The following PDGFRA variants were observed in gnomAD, a reference collection of about 807,000 sequenced individuals.
PDGFRA encodes the protein platelet-derived growth factor receptor alpha.
In PDGFRA, 25 loss-of-function variants were observed where a neutral mutation model predicts 121.5. That is an observed-to-expected ratio of 0.21 (90% CI 0.15 to 0.29). The LOEUF is 0.29. Ranked by LOEUF, PDGFRA falls within the 10% of genes least tolerant of loss-of-function variation. The pLI, the probability that PDGFRA is intolerant of heterozygous loss-of-function variation, is 1.00. For missense variants in PDGFRA, 1,008 were observed against 1,345.1 expected, an observed-to-expected ratio of 0.75 and a Z score of 3.92; for synonymous variants, 463 against 494.8, an observed-to-expected ratio of 0.94 and a Z score of 0.85.
intron 16 of PDGFRA, chr4:54,281,712 C>G: frequency 2.2e-6 from 3 of 1,354,824 alleles, no homozygotes; most frequent in Non-Finnish European, 2.9e-6. Flanking sequence ...ATGGCTAGAG[C>G]TACTCTTCAC....
chr4:54,274,725 C>T lies in PDGFRA; in HGVS notation c.1653+100C>T, dbSNP rs1443979591. The T allele has an allele frequency of 4.2e-6, 6 of 1,434,480 alleles. No individual in the cohort carries two copies. The African/African-American group carries it at 7.0e-5, about 17-fold the overall frequency. The allele number at this position is 1,434,480 out of a possible 1,614,324, so 88.9% of individuals were successfully genotyped here. A position where few individuals can be genotyped will look rare whatever the true frequency, so the allele number is the denominator to read the frequency against. On this transcript the variant is annotated intron_variant, in intron 11 of 22. Coordinates refer to ENST00000257290, the MANE Select transcript of PDGFRA (RefSeq NM_006206.6). The stretch of plus-strand genomic sequence containing the variant: ...GCACAGAGAAGGAGCTCAGCAATTA[C>T]ATGTGGAGTGAACGTTGTTGGACTC...
Position 54,280,495 on chromosome 4 carries a change from A to G in PDGFRA, c.2323+13A>G, listed in dbSNP as rs143491825. 122 of 1,604,210 alleles carry G rather than the reference A, an allele frequency of 7.6e-5. No homozygotes were observed. The highest frequency in any genetic ancestry group is 5.0e-4 in the Middle Eastern group (3 of 6,030). ...AAATCTATGTTAGGTAAAAGTGTCTATACTCACTCTGGGTGTTGGGACTTT... is the reference window on the plus strand; with the variant it reads ...AAATCTATGTTAGGTAAAAGTGTCTGTACTCACTCTGGGTGTTGGGACTTT... On this transcript the variant is annotated intron_variant, in intron 16 of 22. Transcript: ENST00000257290.
intron 15 of PDGFRA, 186 bp downstream of exon 15, chr4:54,278,701 T>C (rs1723898730): frequency 1.5e-6 from 1 of 667,816 alleles, no homozygotes; most frequent in East Asian, 2.7e-5. Context: ...AAAGGTGTTT[T>C]GGACTGGGGT....
chr4:54,265,144 C>G (rs2110259208), intron 5 of PDGFRA, 95 bp downstream of exon 5: 4 of 1,179,156 alleles, frequency 3.4e-6, no homozygotes, highest in East Asian at 2.3e-5. Flanking sequence ...GGGCACATCA[C>G]TGAGTTTCTC....
At chr4:54,247,093 A>G (rs1011318613) in intron 1 of PDGFRA, among the ~76,000 whole-genome samples, 1 of 152,194 alleles carries the variant, frequency 6.6e-6, no homozygotes, top group Non-Finnish European at 1.5e-5. Context: ...TACCAACCAA[A>G]AAGAGTCCAG....
rs371335669 is a variant in PDGFRA, at chr4:54,288,762, G to A, written c.2675-37G>A. 8.5e-5 allele frequency: 97 copies of A among 1,146,406 alleles called. 1 individual carries two copies. Among genetic ancestry groups the A allele is most frequent in the Admixed American group, 5.7e-4 (34 of 59,426 alleles). The allele number at this position is 1,146,406 out of a possible 1,614,324, so 71.0% of individuals were successfully genotyped here. A position where few individuals can be genotyped will look rare whatever the true frequency, so the allele number is the denominator to read the frequency against. ...CAAGTGTTTCAGCAATGCACTGAGC[G>A]TTTGTTAGTCCTGGTGTTTTATTGT... On this transcript the variant is annotated intron_variant, in intron 19 of 22. Coordinates refer to ENST00000257290, the MANE Select transcript of PDGFRA (RefSeq NM_006206.6).
intron 21 of PDGFRA, 44 bp downstream of exon 21, chr4:54,289,158 A>G (rs759304503): frequency 9.3e-7 from 1 of 1,073,716 alleles, no homozygotes; most frequent in Admixed American, 1.7e-5. Flanking sequence ...TAAAGCTGGA[A>G]GTTATACCAG....
chr4:54,236,573 G>A (rs1359496443), intron 1 of PDGFRA, among the ~76,000 whole-genome samples: 4 of 152,198 alleles, frequency 2.6e-5, no homozygotes, highest in Admixed American at 2.0e-4. Context: ...GGAAGCCGAC[G>A]TGGGTGAATC....
chr4:54,291,177 G>T (rs181797794), intron 22 of PDGFRA, among the ~76,000 whole-genome samples: 1 of 152,226 alleles, frequency 6.6e-6, no homozygotes, highest in African/African-American at 2.4e-5. Context: ...CAATGACTAT[G>T]CCCTCTGCCA....
intron 18 of PDGFRA, 152 bp from the exon 19 acceptor site, chr4:54,287,278 G>T: frequency 1.4e-6 from 1 of 721,140 alleles, no homozygotes; most frequent in Non-Finnish European, 2.5e-6. Flanking sequence ...TGAGAGTTCA[G>T]TAATGAACAA....
intron 1 of PDGFRA, among the ~76,000 whole-genome samples, chr4:54,242,288 G>A (rs1476353486): frequency 6.6e-6 from 1 of 152,032 alleles, no homozygotes; most frequent in Non-Finnish European, 1.5e-5. Context: ...TACCTTAAGG[G>A]TAATGTTGGA....
At chr4:54,259,988 G>A (rs933833371) in intron 2 of PDGFRA, among the ~76,000 whole-genome samples, 3 of 152,176 alleles carry the variant, frequency 2.0e-5, no homozygotes, top group South Asian at 2.1e-4. Flanking sequence ...ACTACAGGAC[G>A]TTATCCAGAA....
intron 3 of PDGFRA, among the ~76,000 whole-genome samples, chr4:54,262,430 C>T (rs1208200728): frequency 1.3e-5 from 2 of 152,088 alleles, no homozygotes; most frequent in Non-Finnish European, 2.9e-5. Flanking sequence ...TTTCAGTATG[C>T]AGTTGGGTAA....
At chr4:54,239,454 C>T (rs1324172480) in intron 1 of PDGFRA, among the ~76,000 whole-genome samples, 1 of 152,192 alleles carries the variant, frequency 6.6e-6, no homozygotes, top group Non-Finnish European at 1.5e-5. Context: ...TGTGACCTCC[C>T]AGGCTGAACC....
chr4:54,266,246 A>G (rs960291892), intron 5 of PDGFRA, among the ~76,000 whole-genome samples: 20 of 152,184 alleles, frequency 1.3e-4, no homozygotes, highest in African/African-American at 4.8e-4. Context: ...TGTTTCATAC[A>G]GTATGTTTTT....
intron 18 of PDGFRA, 51 bp from the exon 19 acceptor site, chr4:54,287,378 TG>T: frequency 1.2e-6 from 1 of 800,254 alleles, no homozygotes; most frequent in Non-Finnish European, 2.3e-6. Flanking sequence ...TCCACTGCTG[TG>T]GATCATCAGT....
chr4:54,290,579 T>C (rs1317641667), intron 22 of PDGFRA, 25 bp downstream of exon 22: 2 of 1,613,574 alleles, frequency 1.2e-6, no homozygotes, highest in South Asian at 1.1e-5. Flanking sequence ...AGCCTCGGTG[T>C]CTCACCTTTC....
rs983254596 is a variant in PDGFRA at position 54,229,375 on chromosome 4, A to G, written c.-53A>G. 13 of 398,482 alleles carry G rather than the reference A, an allele frequency of 3.3e-5. No individual in the cohort carries two copies. Among genetic ancestry groups the G allele is most frequent in the Non-Finnish European group, 4.9e-5 (11 of 226,072 alleles). The allele number at this position is 398,482 out of a possible 1,614,324, so 24.7% of individuals were successfully genotyped here. On this transcript the variant is annotated 5_prime_UTR_variant, in exon 1 of 23. The change abolishes an upstream ATG in the 5' untranslated region. Coordinates refer to ENST00000257290, the MANE Select transcript of PDGFRA (RefSeq NM_006206.6). ...AGGCCGTGGGCACGCTCTTTACTCC[A>G]TGTGTGGGACATTCATTGCGGAATA...
chr4:54,290,229 T>C, intron 21 of PDGFRA, 84 bp from the exon 22 acceptor site: 1 of 1,099,598 alleles, frequency 9.1e-7, no homozygotes. Flanking sequence ...TACAGTTAAA[T>C]AATAGTAAGT....
Sources: gnomAD v4.1 joint callset for allele counts (sites outside exome capture counted in the v4.1 genomes callset) on GRCh38, gnomAD v4.1.1 for gene constraint, MANE v1.5 for transcripts, NCBI Gene and HGNC (gene_info 2026-07-23, HGNC 2026-07-21) for gene names.